NRCAM: variants seen among roughly 807,000 people sequenced by gnomAD.
NRCAM encodes the protein NgCAM-related cell adhesion molecule.
NRCAM carries 83 observed loss-of-function variants against 156.5 expected under a neutral mutation model. The observed-to-expected ratio is 0.53, with a 90% CI of 0.44 to 0.64. NRCAM has a LOEUF of 0.64. Among genes scored for constraint, NRCAM ranks in the 30% least tolerant of loss-of-function variants. NRCAM has a pLI of 0.00. For missense variants in NRCAM, 1,417 were observed against 1,597.3 expected (o/e 0.89, Z 1.92); for synonymous variants, 538 against 563.9 (o/e 0.95, Z 0.65).
chr7:108,169,372 A>G (rs1014009997), intron 28 of NRCAM, among the ~76,000 whole-genome samples: 14 of 152,228 alleles, frequency 9.2e-5, no homozygotes, highest in Admixed American at 3.3e-4. Context: ...AAAGAAGATC[A>G]ATTTATTATC....
chr7:108,166,891 G>T (rs369828161), intron 30 of NRCAM, 30 bp downstream of exon 30: 2 of 1,608,926 alleles, frequency 1.2e-6, no homozygotes, highest in African/African-American at 2.7e-5. Context: ...CTCTGAGCGG[G>T]AGCCAGAACA....
At chr7:108,299,114 A>AAAAAAAAAAAAAAGAAAGAAAGAAAG in intron 3 of NRCAM, among the ~76,000 whole-genome samples, 6 of 25,524 alleles carry the variant, frequency 2.4e-4, no homozygotes, top group African/African-American at 5.4e-4. Context: ...TCAAAAAAAA[A>AAAAAAAAAAAAAAGAAAGAAAGAAAG]AAAGAAAGAA....
chr7:108,414,059 G>A (rs1348147153), intron 1 of NRCAM, among the ~76,000 whole-genome samples: 2 of 152,214 alleles, frequency 1.3e-5, no homozygotes, highest in African/African-American at 4.8e-5. Context: ...CCCTGCTGTG[G>A]GGTATAGGAT....
intron 11 of NRCAM, among the ~76,000 whole-genome samples, chr7:108,210,600 T>C (rs1265652272): frequency 6.6e-6 from 1 of 152,198 alleles, no homozygotes; most frequent in African/African-American, 2.4e-5. Flanking sequence ...AGTCAGAATA[T>C]AGGCTTGGAG....
At chr7:108,187,495 G>C (rs74425037) in intron 20 of NRCAM, among the ~76,000 whole-genome samples, 5,070 of 152,172 alleles carry the variant, frequency 0.033, 110 homozygotes, top group Non-Finnish European at 0.048. Flanking sequence ...TTTTAGTGTG[G>C]CCTTTCCTAT....
At chr7:108,192,960 T>C (rs2072952309) in intron 17 of NRCAM, among the ~76,000 whole-genome samples, 2 of 152,218 alleles carry the variant, frequency 1.3e-5, no homozygotes, top group African/African-American at 2.4e-5. Context: ...AGTCATAAAC[T>C]GTCTTCTCAG....
chr7:108,294,326 C>A (rs2098409308), intron 3 of NRCAM, among the ~76,000 whole-genome samples: 1 of 149,362 alleles, frequency 6.7e-6, no homozygotes, highest in South Asian at 2.2e-4. Flanking sequence ...CCCAGAAGGG[C>A]TAACTGCTTC....
chr7:108,180,465 G>A (rs146391254), intron 24 of NRCAM, 38 bp from the exon 25 acceptor site: 25,614 of 1,516,760 alleles, frequency 0.017, 286 homozygotes, highest in Non-Finnish European at 0.02. Flanking sequence ...ATGCAGAAAG[G>A]AGCAAACAAG....
chr7:108,298,067 C>T lies in NRCAM; in HGVS notation c.-107+14598G>A, dbSNP rs574600113. ...TGGCTTTGTACAAGCTTAATTAAGA[C>T]AAAGAAACAGTAAAACACCCAGAAT... On this transcript the variant is annotated intron_variant, in intron 3 of 32. Coordinates refer to ENST00000379028, the MANE Select transcript of NRCAM (RefSeq NM_001037132.4). 2.8e-4 allele frequency among the ~76,000 whole-genome samples: 43 copies of T among 152,120 alleles called. 1 individual carries two copies. The highest frequency in any genetic ancestry group is 1.0e-3 in the African/African-American group (43 of 41,472).
chr7:108,378,394 T>A (rs116203661), intron 2 of NRCAM, among the ~76,000 whole-genome samples: 3,807 of 151,944 alleles, frequency 0.025, 174 homozygotes, highest in African/African-American at 0.086. Context: ...AAGCCAAAGT[T>A]GAACAAACTA....
At chr7:108,196,884 T>A (rs113654121) in intron 14 of NRCAM, among the ~76,000 whole-genome samples, 239 of 152,276 alleles carry the variant, frequency 1.6e-3, no homozygotes, top group Non-Finnish European at 3.2e-3. Context: ...TGTCGAGATA[T>A]TTGAACTCCC....
At chr7:108,188,215 C>T (rs1016701826) in intron 20 of NRCAM, among the ~76,000 whole-genome samples, 9 of 152,134 alleles carry the variant, frequency 5.9e-5, no homozygotes, top group Admixed American at 3.3e-4. Context: ...GCATTAGGCA[C>T]GTGTGACTTC....
Position 108,191,262 on chromosome 7 carries a change from G to A in NRCAM, c.1925C>T (p.Pro642Leu). 1 of 1,606,068 alleles carries A rather than the reference G, an allele frequency of 6.2e-7. No individual in the cohort carries two copies. Among genetic ancestry groups the A allele is most frequent in the Non-Finnish European group, 8.5e-7 (1 of 1,175,806 alleles). Residue 642 changes from proline to leucine, a missense_variant, in exon 19 of 33, where the codon CCC becomes CTC. Physicochemically the swap from Pro to Leu is moderately conservative, Grantham distance 98. Coordinates refer to ENST00000379028, the MANE Select transcript of NRCAM (RefSeq NM_001037132.4). ...GACTCATATTAGTTTACCGTAAACG[G>A]GAGCTGGAGTTGGAGTAGGAGCTAG... ...SVVAPTPTPA[P>L]VYDVPNPPFD...
intron 3 of NRCAM, among the ~76,000 whole-genome samples, chr7:108,283,160 T>C (rs965500789): frequency 6.6e-6 from 1 of 152,232 alleles, no homozygotes; most frequent in South Asian, 2.1e-4. Context: ...CACACATCAT[T>C]AAGCTTCTAA....
At chr7:108,396,358 G>A (rs1232684996) in intron 2 of NRCAM, among the ~76,000 whole-genome samples, 1 of 152,146 alleles carries the variant, frequency 6.6e-6, no homozygotes, top group East Asian at 1.9e-4. Flanking sequence ...CCATTCTGTG[G>A]ACTTCAGAGA....
chr7:108,202,061 C>T (rs1317865902), intron 13 of NRCAM, among the ~76,000 whole-genome samples: 1 of 152,090 alleles, frequency 6.6e-6, no homozygotes, highest in Non-Finnish European at 1.5e-5. Flanking sequence ...AACTCTCTAG[C>T]ATGCAAATCC....
intron 1 of NRCAM, among the ~76,000 whole-genome samples, chr7:108,455,054 G>C (rs1855121765): frequency 6.6e-6 from 1 of 152,138 alleles, no homozygotes; most frequent in African/African-American, 2.4e-5. Context: ...ATGTGGCCGC[G>C]GGCGCGGGCG....
chr7:108,257,250 T>C (rs1487340629), intron 3 of NRCAM, among the ~76,000 whole-genome samples: 1 of 152,148 alleles, frequency 6.6e-6, no homozygotes, highest in Non-Finnish European at 1.5e-5. Context: ...TCGACAGTCA[T>C]GTTCTGTAGC....
intron 2 of NRCAM, among the ~76,000 whole-genome samples, chr7:108,345,003 A>T (rs912109328): frequency 1.3e-5 from 2 of 152,194 alleles, no homozygotes; most frequent in Non-Finnish European, 2.9e-5. Context: ...GATTCAACTC[A>T]ATCTGTGGAA....
Sources: gnomAD v4.1 joint callset for allele counts (sites outside exome capture counted in the v4.1 genomes callset) on GRCh38, gnomAD v4.1.1 for gene constraint, MANE v1.5 for transcripts, NCBI Gene and HGNC (gene_info 2026-07-23, HGNC 2026-07-21) for gene names.